CALD1: variants seen among roughly 807,000 people sequenced by gnomAD.
CALD1 encodes caldesmon 1.
CALD1 carries 33 observed loss-of-function variants against 99.9 expected under a neutral mutation model. That is an observed-to-expected ratio of 0.33 (90% CI 0.25 to 0.44). The LOEUF is 0.44. Ranked by LOEUF, CALD1 falls within the 20% of genes least tolerant of loss-of-function variation. The pLI, the probability that CALD1 is intolerant of heterozygous loss-of-function variation, is 1.00. For missense variants in CALD1, 861 were observed against 962.1 expected, an observed-to-expected ratio of 0.89 and a Z score of 1.39; for synonymous variants, 310 against 325.0, an observed-to-expected ratio of 0.95 and a Z score of 0.50.
intron 3 of CALD1, among the ~76,000 whole-genome samples, chr7:134,883,926 G>A (rs150368741): frequency 5.1e-4 from 77 of 152,228 alleles, no homozygotes; most frequent in Non-Finnish European, 7.4e-4. Flanking sequence ...TGACCAACAC[G>A]GTGAGGTCTC....
At chr7:134,771,434 CCT>C (rs968655479) in intron 1 of CALD1, among the ~76,000 whole-genome samples, 9 of 152,158 alleles carry the variant, frequency 5.9e-5, no homozygotes, top group Non-Finnish European at 1.2e-4. Flanking sequence ...ACTCTTGATT[CCT>C]CTCTTTTTCT....
At chr7:134,910,909 G>T (rs1803756716) in intron 3 of CALD1, among the ~76,000 whole-genome samples, 1 of 152,190 alleles carries the variant, frequency 6.6e-6, no homozygotes, top group African/African-American at 2.4e-5. Flanking sequence ...GAGAAGCAAA[G>T]AAATGCATTA....
intron 13 of CALD1, among the ~76,000 whole-genome samples, chr7:134,963,925 G>A (rs112908468): frequency 5.9e-5 from 9 of 152,336 alleles, no homozygotes; most frequent in African/African-American, 1.4e-4. Flanking sequence ...GTGGCTGGGC[G>A]CGGTGGCTCA....
At chr7:134,754,525 A>G (rs1796711467) in intron 1 of CALD1, among the ~76,000 whole-genome samples, 1 of 152,256 alleles carries the variant, frequency 6.6e-6, no homozygotes, top group Non-Finnish European at 1.5e-5. Flanking sequence ...ATATCCATGT[A>G]TAATCCCTTT....
chr7:134,964,461 T>G (rs1394056062), intron 13 of CALD1, among the ~76,000 whole-genome samples: 1 of 152,144 alleles, frequency 6.6e-6, no homozygotes, highest in African/African-American at 2.4e-5. Flanking sequence ...AGAGTGAGCC[T>G]GAAAATAATA....
intron 3 of CALD1, among the ~76,000 whole-genome samples, chr7:134,917,217 C>T (rs959877476): frequency 2.0e-5 from 3 of 152,148 alleles, no homozygotes; most frequent in South Asian, 2.1e-4. Context: ...TCCACATCTA[C>T]GATGCACATT....
At chr7:134,724,196 A>G in the CALD1 span, among the ~76,000 whole-genome samples, 4 of 152,176 alleles carry the variant, frequency 2.6e-5, no homozygotes, top group South Asian at 2.1e-4. Context: ...GCCCCTCACC[A>G]AGGCGTGTTT....
chr7:134,745,741 T>C (rs1162983035), intron 1 of CALD1, among the ~76,000 whole-genome samples: 1 of 152,232 alleles, frequency 6.6e-6, no homozygotes, highest in Admixed American at 6.5e-5. Flanking sequence ...ACTTTAGAAA[T>C]AGCAACTTAA....
chr7:134,924,358 A>G (rs182066776), intron 3 of CALD1, among the ~76,000 whole-genome samples: 1 of 152,290 alleles, frequency 6.6e-6, no homozygotes, highest in East Asian at 1.9e-4. Context: ...AGAATGAACA[A>G]TTCAGGGTAC....
At chr7:134,721,327 T>C in the CALD1 span, among the ~76,000 whole-genome samples, 2 of 84,270 alleles carry the variant, frequency 2.4e-5, no homozygotes, top group African/African-American at 1.2e-4. Context: ...TTAAGTCATC[T>C]GCAAAAAAAA....
the CALD1 span, among the ~76,000 whole-genome samples, chr7:134,716,024 T>C: frequency 6.6e-6 from 1 of 152,326 alleles, no homozygotes; most frequent in South Asian, 2.1e-4. Flanking sequence ...TAGTTACATA[T>C]GTATACATGT....
At chr7:134,777,867 C>T (rs1382400141), upstream of CALD1, among the ~76,000 whole-genome samples, 1 of 152,136 alleles carries the variant, frequency 6.6e-6, no homozygotes, top group Non-Finnish European at 1.5e-5. Flanking sequence ...ATGGGATGTC[C>T]CCATCAGCAA....
At chr7:134,811,034 T>A (rs1798334633) in intron 1 of CALD1, among the ~76,000 whole-genome samples, 1 of 152,234 alleles carries the variant, frequency 6.6e-6, no homozygotes, top group South Asian at 2.1e-4. Context: ...CCAGTGAGAA[T>A]AAATGGTTCT....
At chr7:134,810,752 C>CTG (rs920631150) in intron 1 of CALD1, among the ~76,000 whole-genome samples, 11 of 152,168 alleles carry the variant, frequency 7.2e-5, no homozygotes, top group African/African-American at 2.7e-4. Flanking sequence ...TTTGCATTCT[C>CTG]AGTCTGAGAA....
chr7:134,790,523 T>G (rs542988457), intron 1 of CALD1, among the ~76,000 whole-genome samples: 1 of 152,264 alleles, frequency 6.6e-6, no homozygotes, highest in East Asian at 1.9e-4. Flanking sequence ...AACCAGTCAT[T>G]ATAATTTGTC....
At chr7:134,800,003 G>A (rs1014747914) in intron 1 of CALD1, among the ~76,000 whole-genome samples, 3 of 152,124 alleles carry the variant, frequency 2.0e-5, no homozygotes, top group Non-Finnish European at 4.4e-5. Flanking sequence ...AAAAAAGGCA[G>A]AATTAGTTAA....
intron 1 of CALD1, among the ~76,000 whole-genome samples, chr7:134,766,056 G>A (rs2131611410): frequency 6.6e-6 from 1 of 151,468 alleles, no homozygotes; most frequent in South Asian, 2.1e-4. Flanking sequence ...GATTCCTGAG[G>A]CTTCACCAGA....
intron 1 of CALD1, among the ~76,000 whole-genome samples, chr7:134,764,433 C>A (rs10808278): frequency 6.6e-6 from 1 of 151,952 alleles, no homozygotes; most frequent in Non-Finnish European, 1.5e-5. Flanking sequence ...ATGATATAGA[C>A]TTGATTTTTT....
intron 1 of CALD1, among the ~76,000 whole-genome samples, chr7:134,789,291 T>C (rs1364019613): frequency 1.3e-5 from 2 of 152,168 alleles, no homozygotes; most frequent in Admixed American, 6.5e-5. Flanking sequence ...AGCTAGTAAG[T>C]AGCTGGGTCA....
Sources: gnomAD v4.1 joint callset for allele counts (sites outside exome capture counted in the v4.1 genomes callset) on GRCh38, gnomAD v4.1.1 for gene constraint, MANE v1.5 for transcripts, NCBI Gene and HGNC (gene_info 2026-07-23, HGNC 2026-07-21) for gene names.